Variants in SGCD observed in about 807,000 individuals in gnomAD.
SGCD encodes delta-sarcoglycan.
Under a neutral mutation model 36.6 loss-of-function variants are expected in SGCD, and 18 were observed. The ratio of observed to expected loss-of-function variants is 0.49; its 90% CI spans 0.34 to 0.73. The LOEUF is 0.73. Ranked by LOEUF, SGCD falls within the 30% of genes least tolerant of loss-of-function variation. The probability of loss-of-function intolerance (pLI) is 0.01; values close to 1 mark genes in which losing one functional copy is unlikely to be tolerated. For missense variants in SGCD, 387 were observed against 346.7 expected (o/e 1.12, Z -0.92); for synonymous variants, 133 against 130.6 (o/e 1.02, Z -0.12).
chr5:156,608,547 A>G (rs1561811595), intron 6 of SGCD, among the ~76,000 whole-genome samples: 1 of 152,166 alleles, frequency 6.6e-6, no homozygotes, highest in Non-Finnish European at 1.5e-5. Flanking sequence ...AGTTCTGTAG[A>G]TGTCTATCAG....
At chr5:156,516,763 G>A (rs571128004) in intron 4 of SGCD, among the ~76,000 whole-genome samples, 24 of 152,112 alleles carry the variant, frequency 1.6e-4, no homozygotes, top group African/African-American at 9.7e-5. Context: ...TTAGGAGGCC[G>A]AGGCACATGG....
intron 3 of SGCD, among the ~76,000 whole-genome samples, chr5:156,397,643 A>G (rs1444693539): frequency 2.0e-5 from 3 of 152,198 alleles, no homozygotes; most frequent in Non-Finnish European, 2.9e-5. Context: ...TGGAAGATTA[A>G]CATGTGGGAA....
chr5:156,552,172 A>G (rs1758825818), intron 4 of SGCD, among the ~76,000 whole-genome samples: 1 of 152,202 alleles, frequency 6.6e-6, no homozygotes. Context: ...ACAGACACAC[A>G]GCACATGTTT....
At chr5:156,458,620 A>G in intron 3 of SGCD, 1 of 655,842 alleles carries the variant, frequency 1.5e-6, no homozygotes, top group South Asian at 1.9e-5. Context: ...TGTAAAAATG[A>G]AAAAAATACA....
intron 3 of SGCD, among the ~76,000 whole-genome samples, chr5:156,441,901 C>T (rs553664233): frequency 9.2e-5 from 14 of 152,218 alleles, no homozygotes; most frequent in Admixed American, 3.3e-4. Flanking sequence ...GGCTGATTTG[C>T]GTGGAAGAAA....
upstream of SGCD, among the ~76,000 whole-genome samples, chr5:156,322,010 C>G (rs1375902645): frequency 6.6e-6 from 1 of 152,114 alleles, no homozygotes; most frequent in Non-Finnish European, 1.5e-5. Context: ...TGCTCTGTGG[C>G]CCTCTCTGTA....
intron 1 of SGCD, among the ~76,000 whole-genome samples, chr5:155,954,355 A>T (rs1021570260): frequency 6.6e-6 from 1 of 152,152 alleles, no homozygotes; most frequent in Non-Finnish European, 1.5e-5. Context: ...AGAAGTATGC[A>T]CACTTCACAC....
intron 3 of SGCD, among the ~76,000 whole-genome samples, chr5:156,239,556 A>C (rs1299637960): frequency 7.9e-5 from 12 of 152,196 alleles, no homozygotes; most frequent in Non-Finnish European, 1.8e-4. Context: ...TGAGAAGATA[A>C]ATATGAAAAT....
At chr5:156,027,972 G>A (rs2127574894) in intron 1 of SGCD, among the ~76,000 whole-genome samples, 1 of 152,262 alleles carries the variant, frequency 6.6e-6, no homozygotes, top group South Asian at 2.1e-4. Context: ...GGACAAAAAA[G>A]GGTGGACTCT....
At chr5:155,903,119 T>C (rs1243614216) in intron 1 of SGCD, among the ~76,000 whole-genome samples, 1 of 152,208 alleles carries the variant, frequency 6.6e-6, no homozygotes, top group Non-Finnish European at 1.5e-5. Context: ...TGTGTTCTAT[T>C]TTGAAAGAAA....
intron 3 of SGCD, among the ~76,000 whole-genome samples, chr5:156,178,082 A>G (rs1045671490): frequency 1.9e-4 from 29 of 152,210 alleles, no homozygotes; most frequent in African/African-American, 6.8e-4. Context: ...CAGAAAGCCT[A>G]TTTTATAATA....
chr5:155,882,850 C>T (rs984121226), intron 1 of SGCD, among the ~76,000 whole-genome samples: 1 of 152,282 alleles, frequency 6.6e-6, no homozygotes, highest in East Asian at 1.9e-4. Flanking sequence ...AGTCAGCCTG[C>T]CCTTTGAAGC....
the SGCD span, among the ~76,000 whole-genome samples, chr5:155,850,829 C>T: frequency 6.6e-6 from 1 of 152,134 alleles, no homozygotes; most frequent in Non-Finnish European, 1.5e-5. Context: ...ATGCATGAGA[C>T]ATAATTCCTG....
At chr5:155,992,981 T>TACTC (rs80102515) in intron 1 of SGCD, among the ~76,000 whole-genome samples, 1,989 of 152,290 alleles carry the variant, frequency 0.013, 23 homozygotes, top group Non-Finnish European at 0.022. Context: ...TGGGCTCTTA[T>TACTC]ACTCCAGACC....
the SGCD span, among the ~76,000 whole-genome samples, chr5:155,733,666 C>T: frequency 6.6e-6 from 1 of 151,818 alleles, no homozygotes; most frequent in African/African-American, 2.4e-5. Context: ...TGGTCAGAAC[C>T]TACTTTCCTG....
chr5:156,287,785 G>A (rs995418162), intron 3 of SGCD, among the ~76,000 whole-genome samples: 1 of 152,014 alleles, frequency 6.6e-6, no homozygotes, highest in Non-Finnish European at 1.5e-5. Context: ...TGTAATCCCA[G>A]CCCTTTGTGA....
chr5:156,467,484 T>C (rs924522363), intron 3 of SGCD, among the ~76,000 whole-genome samples: 2 of 152,186 alleles, frequency 1.3e-5, no homozygotes, highest in Non-Finnish European at 2.9e-5. Flanking sequence ...CAGAAACACC[T>C]GTATGGAAAA....
chr5:155,945,391 G>A (rs189159607), intron 1 of SGCD, among the ~76,000 whole-genome samples: 4 of 152,204 alleles, frequency 2.6e-5, no homozygotes, highest in Admixed American at 2.6e-4. Flanking sequence ...TTAGTTACTG[G>A]GAAAACAGTG....
chr5:156,245,657 T>C (rs1234797982), intron 3 of SGCD, among the ~76,000 whole-genome samples: 3 of 151,988 alleles, frequency 2.0e-5, no homozygotes, highest in African/African-American at 7.2e-5. Flanking sequence ...AGTCTAAATA[T>C]CATGTTACGG....
Sources: allele counts gnomAD v4.1 joint callset (sites outside exome capture counted in the v4.1 genomes callset), GRCh38; gene constraint gnomAD v4.1.1; transcripts MANE v1.5; gene names NCBI Gene and HGNC (gene_info 2026-07-23, HGNC 2026-07-21).